Variants in CTNNA3 observed in about 807,000 individuals in gnomAD.
CTNNA3 encodes the protein catenin alpha-3.
Under a neutral mutation model 95.7 loss-of-function variants are expected in CTNNA3, and 76 were observed. The observed-to-expected ratio is 0.79, with a 90% CI of 0.66 to 0.96. The LOEUF is 0.96. CTNNA3 is among the 40% of genes least tolerant of loss of function. The pLI is 0.00. For missense variants in CTNNA3, 1,191 were observed against 1,089.8 expected, an observed-to-expected ratio of 1.09 and a Z score of -1.31; for synonymous variants, 431 against 374.4, an observed-to-expected ratio of 1.15 and a Z score of -1.74.
At position 65,915,285 on chromosome 10, in the gene CTNNA3, T is replaced by A. The variant is rs1441154864; in HGVS notation, c.*5045A>T. 1 of 152,044 alleles carries A rather than the reference T, an allele frequency of 6.6e-6. No individual in the cohort carries two copies. The highest frequency in any genetic ancestry group is 1.5e-5 in the Non-Finnish European group (1 of 67,964). The allele number at this position is 152,044 out of a possible 1,614,324, so 9.4% of individuals were successfully genotyped here. ...TCATGCTCAAAATATGTGTAGTTCA[T>A]CCTTTTGCCTTCGACACGACTTCAC... is the stretch of plus-strand genomic sequence containing the variant. On this transcript the variant is annotated 3_prime_UTR_variant, in exon 18 of 18. Coordinates refer to ENST00000433211, the MANE Select transcript of CTNNA3 (RefSeq NM_013266.4).
At chr10:67,598,204 C>T (rs1182302598) in intron 3 of CTNNA3, among the ~76,000 whole-genome samples, 2 of 152,126 alleles carry the variant, frequency 1.3e-5, no homozygotes, top group African/African-American at 4.8e-5. Context: ...TTGTTCCAAA[C>T]CTTCTGGGTT....
At chr10:67,335,566 C>G (rs1260010457) in intron 5 of CTNNA3, among the ~76,000 whole-genome samples, 1 of 152,156 alleles carries the variant, frequency 6.6e-6, no homozygotes, top group Non-Finnish European at 1.5e-5. Flanking sequence ...TTCACCAAAA[C>G]TTGGGTAAAT....
intron 11 of CTNNA3, among the ~76,000 whole-genome samples, chr10:66,404,432 T>C (rs1054353257): frequency 6.6e-6 from 1 of 152,170 alleles, no homozygotes; most frequent in African/African-American, 2.4e-5. Flanking sequence ...TGTTACATGA[T>C]TGACTAAACT....
At chr10:66,999,960 G>A (rs1349906039) in intron 7 of CTNNA3, among the ~76,000 whole-genome samples, 2 of 152,148 alleles carry the variant, frequency 1.3e-5, no homozygotes, top group African/African-American at 4.8e-5. Context: ...CCCAGTCACT[G>A]CTCTGTCAGC....
chr10:67,042,668 G>A (rs2133151846), intron 7 of CTNNA3, among the ~76,000 whole-genome samples: 1 of 152,020 alleles, frequency 6.6e-6, no homozygotes, highest in Non-Finnish European at 1.5e-5. Flanking sequence ...GGTGAGGAAA[G>A]GTAAGAGTGG....
intron 5 of CTNNA3, among the ~76,000 whole-genome samples, chr10:67,480,136 A>G (rs1164207561): frequency 2.6e-5 from 4 of 152,048 alleles, no homozygotes; most frequent in East Asian, 1.9e-4. Flanking sequence ...AGAAGAATTT[A>G]CAGTCAAAAT....
intron 2 of CTNNA3, among the ~76,000 whole-genome samples, chr10:67,631,122 G>C (rs574757865): frequency 5.4e-4 from 83 of 152,302 alleles, no homozygotes; most frequent in African/African-American, 1.9e-3. Flanking sequence ...GATGCCTACA[G>C]TTGCAGTCAT....
chr10:66,942,056 G>A (rs945518709), intron 7 of CTNNA3, among the ~76,000 whole-genome samples: 10 of 152,258 alleles, frequency 6.6e-5, no homozygotes, highest in East Asian at 5.8e-4. Context: ...CATGGTATCA[G>A]TTTCCTCATC....
chr10:67,450,735 C>G (rs1358662769), intron 5 of CTNNA3, among the ~76,000 whole-genome samples: 1 of 151,686 alleles, frequency 6.6e-6, no homozygotes, highest in Non-Finnish European at 1.5e-5. Context: ...CACTGTGACA[C>G]AAATTTACCT....
intron 7 of CTNNA3, among the ~76,000 whole-genome samples, chr10:67,070,173 T>C (rs1235723029): frequency 6.6e-6 from 1 of 152,214 alleles, no homozygotes; most frequent in Non-Finnish European, 1.5e-5. Context: ...TTCACACATA[T>C]ATATATTGCA....
At chr10:66,334,958 T>G (rs894369601) in intron 12 of CTNNA3, among the ~76,000 whole-genome samples, 2 of 152,122 alleles carry the variant, frequency 1.3e-5, no homozygotes, top group Admixed American at 6.5e-5. Flanking sequence ...TAAACTTCTC[T>G]TCTCGCTTCA....
chr10:67,085,359 A>G (rs992501850), intron 7 of CTNNA3, among the ~76,000 whole-genome samples: 1 of 151,870 alleles, frequency 6.6e-6, no homozygotes, highest in Non-Finnish European at 1.5e-5. Context: ...AGAAAAAATG[A>G]ACCCTAATTT....
intron 11 of CTNNA3, among the ~76,000 whole-genome samples, chr10:66,426,296 TTAAAG>T (rs1264012267): frequency 7.2e-5 from 11 of 152,094 alleles, no homozygotes; most frequent in Admixed American, 1.3e-4. Context: ...AATTATACTG[TTAAAG>T]TATTGTCCAA....
chr10:67,011,847 T>A (rs761348470), intron 7 of CTNNA3, among the ~76,000 whole-genome samples: 26 of 152,046 alleles, frequency 1.7e-4, no homozygotes, highest in Non-Finnish European at 2.9e-4. Flanking sequence ...ACCTACAGGT[T>A]GCATGTGGCA....
chr10:66,961,099 A>G (rs1377161974), intron 7 of CTNNA3, among the ~76,000 whole-genome samples: 1 of 152,254 alleles, frequency 6.6e-6, no homozygotes, highest in Non-Finnish European at 1.5e-5. Context: ...AAAATGTTCA[A>G]TAGCAAGGTC....
At chr10:66,078,001 G>A (rs920238112) in intron 14 of CTNNA3, among the ~76,000 whole-genome samples, 6 of 151,688 alleles carry the variant, frequency 4.0e-5, no homozygotes, top group Non-Finnish European at 8.9e-5. Context: ...CCAACCCCAG[G>A]ACTTCAGTGA....
intron 12 of CTNNA3, among the ~76,000 whole-genome samples, chr10:66,300,781 A>C (rs2091850258): frequency 6.6e-6 from 1 of 152,140 alleles, no homozygotes; most frequent in Non-Finnish European, 1.5e-5. Flanking sequence ...CTAGAAAAAG[A>C]GCAAATAAAA....
chr10:67,619,346 A>G (rs1843753326), intron 2 of CTNNA3, among the ~76,000 whole-genome samples: 1 of 152,218 alleles, frequency 6.6e-6, no homozygotes, highest in Non-Finnish European at 1.5e-5. Flanking sequence ...TGACAAAGGC[A>G]CCAAGAACAC....
chr10:67,462,116 A>G (rs948753608), intron 5 of CTNNA3, among the ~76,000 whole-genome samples: 3 of 152,170 alleles, frequency 2.0e-5, no homozygotes, highest in African/African-American at 7.2e-5. Flanking sequence ...TCTCAGTTTC[A>G]TGATATCCCT....
Sources: allele counts gnomAD v4.1 joint callset (sites outside exome capture counted in the v4.1 genomes callset), GRCh38; gene constraint gnomAD v4.1.1; transcripts MANE v1.5; gene names NCBI Gene and HGNC (gene_info 2026-07-23, HGNC 2026-07-21).